Variants in FBXW11 observed in about 807,000 individuals in gnomAD.
The protein encoded by FBXW11 is F-box and WD repeat domain containing 11.
A neutral mutation model predicts 77.6 loss-of-function variants in FBXW11; 19 were observed. That is an observed-to-expected ratio of 0.24 (90% CI 0.17 to 0.36). The LOEUF (loss-of-function observed/expected upper bound fraction) is 0.36, where lower values mean the gene tolerates loss of function less well. FBXW11 is among the 10% of genes least tolerant of loss of function. The probability of loss-of-function intolerance (pLI) is 1.00; values close to 1 mark genes in which losing one functional copy is unlikely to be tolerated. For synonymous variants in FBXW11, 235 were observed against 249.4 expected (o/e 0.94, Z 0.54); for missense variants, 334 against 704.2 (o/e 0.47, Z 5.95).
rs1554091989 is a variant in FBXW11 at position 171,861,981 on chromosome 5, CCT to C, written c.*2144_*2145del. ...CAGAACTCCTTGGGTGCCAAAGTCC[CCT>C]GCTATAATTTAGTAGGCACAATTCA... On this transcript the variant is annotated 3_prime_UTR_variant, in exon 14 of 14. Transcript: ENST00000517395. The C allele has an allele frequency of 6.6e-6, 1 of 152,544 alleles. No individual in the cohort carries two copies. Among genetic ancestry groups the C allele is most frequent in the Non-Finnish European group, 1.5e-5 (1 of 68,024 alleles). The allele number at this position is 152,544 out of a possible 1,614,324, so 9.4% of individuals were successfully genotyped here.
chr5:171,983,918 A>C (rs1463597225), intron 1 of FBXW11, among the ~76,000 whole-genome samples: 1 of 152,242 alleles, frequency 6.6e-6, no homozygotes, highest in South Asian at 2.1e-4. Context: ...GTACTCAGCA[A>C]CCCAAGCATT....
intron 1 of FBXW11, among the ~76,000 whole-genome samples, chr5:172,004,354 A>C (rs1478212032): frequency 1.3e-5 from 2 of 152,248 alleles, no homozygotes; most frequent in Non-Finnish European, 1.5e-5. Context: ...AAACTCTGTT[A>C]AATTTTCAAA....
rs1231025992 is a variant in FBXW11 at position 171,878,167 on chromosome 5, A to G, written c.853-38T>C. The G allele has an allele frequency of 7.8e-6, 11 of 1,416,696 alleles. 1 individual carries two copies. In the South Asian group the frequency reaches 1.3e-4, roughly 17 times the overall value. 87.8% of individuals were successfully genotyped at this position (1,416,696 alleles called of 1,614,324 possible). A position where few individuals can be genotyped will look rare whatever the true frequency, so the allele number is the denominator to read the frequency against. On this transcript the variant is annotated intron_variant, in intron 7 of 13. Coordinates refer to ENST00000517395, the MANE Select transcript of FBXW11 (RefSeq NM_001378974.1). ...GATTAGCCACAAACGATGATTAATT[A>G]TACTATATTTTGATGAATGTTACTG...
chr5:171,946,728 C>T (rs963356034), intron 2 of FBXW11, among the ~76,000 whole-genome samples: 5 of 151,852 alleles, frequency 3.3e-5, no homozygotes, highest in African/African-American at 1.2e-4. Flanking sequence ...AACTGAAGCC[C>T]TTCCCAAATC....
At chr5:171,966,477 C>A (rs1764194359) in intron 1 of FBXW11, among the ~76,000 whole-genome samples, 1 of 152,194 alleles carries the variant, frequency 6.6e-6, no homozygotes, top group South Asian at 2.1e-4. Flanking sequence ...AATCTCTATT[C>A]TAAGCAGCAT....
At chr5:171,980,560 G>C (rs565657103) in intron 1 of FBXW11, among the ~76,000 whole-genome samples, 1 of 152,074 alleles carries the variant, frequency 6.6e-6, no homozygotes, top group Non-Finnish European at 1.5e-5. Context: ...CAAAAAAGGC[G>C]TATCTCTAAA....
intron 2 of FBXW11, among the ~76,000 whole-genome samples, chr5:171,955,701 T>C (rs1763571359): frequency 1.3e-5 from 2 of 152,074 alleles, no homozygotes; most frequent in African/African-American, 4.8e-5. Context: ...TTCATTTTAC[T>C]ATGCTGCATA....
intron 2 of FBXW11, among the ~76,000 whole-genome samples, chr5:171,923,909 C>CTTTTTTTTTT (rs70982354): frequency 4.1e-5 from 2 of 49,192 alleles, no homozygotes; most frequent in African/African-American, 1.8e-4. Context: ...GAAACCCCAC[C>CTTTTTTTTTT]TTTTTTTTTT....
At chr5:171,963,548 T>C (rs1697700889) in intron 1 of FBXW11, among the ~76,000 whole-genome samples, 1 of 152,226 alleles carries the variant, frequency 6.6e-6, no homozygotes, top group South Asian at 2.1e-4. Flanking sequence ...GTTGGCCCAA[T>C]GCTTCTCAGC....
At chr5:171,957,745 G>C in intron 1 of FBXW11, 47 bp from the exon 2 acceptor site, 1 of 1,504,572 alleles carries the variant, frequency 6.6e-7, no homozygotes, top group Non-Finnish European at 9.3e-7. Flanking sequence ...GTTAGAGGCC[G>C]CAACAAATCA....
intron 2 of FBXW11, among the ~76,000 whole-genome samples, chr5:171,944,645 G>C (rs1476877714): frequency 2.7e-5 from 4 of 149,598 alleles, no homozygotes; most frequent in Admixed American, 2.0e-4. Context: ...TCCATAAACT[G>C]TGGTTTCTCA....
intron 4 of FBXW11, among the ~76,000 whole-genome samples, chr5:171,901,874 C>T (rs1760138370): frequency 6.6e-6 from 1 of 152,094 alleles, no homozygotes; most frequent in African/African-American, 2.4e-5. Flanking sequence ...TTTGTCACAC[C>T]CAGAAGAGTG....
At chr5:171,932,438 G>A (rs1762258015) in intron 2 of FBXW11, among the ~76,000 whole-genome samples, 1 of 152,146 alleles carries the variant, frequency 6.6e-6, no homozygotes, top group Non-Finnish European at 1.5e-5. Flanking sequence ...CTCATTCATT[G>A]CTGGTAGAAA....
chr5:171,993,507 G>C (rs955743291), intron 1 of FBXW11, among the ~76,000 whole-genome samples: 7 of 152,076 alleles, frequency 4.6e-5, no homozygotes, highest in African/African-American at 1.7e-4. Flanking sequence ...CAACTACTCA[G>C]AAGGCTGAGG....
At chr5:171,926,427 C>T (rs1381367436) in intron 2 of FBXW11, among the ~76,000 whole-genome samples, 3 of 152,190 alleles carry the variant, frequency 2.0e-5, no homozygotes, top group South Asian at 2.1e-4. Flanking sequence ...AAATTGTAAT[C>T]CCCATTGTTG....
At chr5:171,899,800 C>A (rs1223721496) in intron 5 of FBXW11, 114 bp downstream of exon 5, 3 of 925,128 alleles carry the variant, frequency 3.2e-6, no homozygotes, top group Non-Finnish European at 3.2e-6. Flanking sequence ...CTCATTTTCC[C>A]CCCTTTTTAA....
chr5:171,878,587 TGTGTAA>T (rs1288626181), intron 7 of FBXW11, among the ~76,000 whole-genome samples: 29 of 62,434 alleles, frequency 4.6e-4, no homozygotes, highest in African/African-American at 1.1e-3. Context: ...TGTGTGTGTG[TGTGTAA>T]GAGAGAGAGA....
At chr5:171,984,554 G>A (rs1027265662) in intron 1 of FBXW11, among the ~76,000 whole-genome samples, 4 of 152,104 alleles carry the variant, frequency 2.6e-5, no homozygotes, top group Non-Finnish European at 4.4e-5. Context: ...GCTCCAATCA[G>A]GGAGAATTTC....
intron 13 of FBXW11, among the ~76,000 whole-genome samples, chr5:171,866,433 T>TTATAATTGATC (rs1322654693): frequency 6.6e-6 from 1 of 152,156 alleles, no homozygotes; most frequent in Non-Finnish European, 1.5e-5. Context: ...TTCCATTGAC[T>TTATAATTGATC]TATAATTGAT....
Sources: gnomAD v4.1 joint callset for allele counts (sites outside exome capture counted in the v4.1 genomes callset) on GRCh38, gnomAD v4.1.1 for gene constraint, MANE v1.5 for transcripts, NCBI Gene and HGNC (gene_info 2026-07-23, HGNC 2026-07-21) for gene names.